RAPGEF1: variants seen among roughly 807,000 people sequenced by gnomAD.
The protein encoded by RAPGEF1 is Rap guanine nucleotide exchange factor 1, also known as CRK SH3-binding GNRP.
Under a neutral mutation model 143.3 loss-of-function variants are expected in RAPGEF1, and 33 were observed. The observed-to-expected ratio is 0.23, with a 90% CI of 0.17 to 0.31. The LOEUF (loss-of-function observed/expected upper bound fraction) is 0.31. Among genes scored for constraint, RAPGEF1 ranks in the 10% least tolerant of loss-of-function variants. The pLI is 1.00. For missense variants in RAPGEF1, 1,199 were observed against 1,645.4 expected, an observed-to-expected ratio of 0.73 and a Z score of 4.69; for synonymous variants, 629 against 676.5, an observed-to-expected ratio of 0.93 and a Z score of 1.09.
Position 131,708,953 on chromosome 9 carries a change from G to A in RAPGEF1, c.61+30817C>T, listed in dbSNP as rs537706504. Among the ~76,000 whole-genome samples the A allele has an allele frequency of 1.4e-4, 22 of 152,284 alleles. No individual in the cohort carries two copies. The South Asian group carries it at 4.6e-3, about 32-fold the overall frequency. On this transcript the variant is annotated intron_variant, in intron 1 of 26. Coordinates refer to ENST00000683357, the MANE Select transcript of RAPGEF1 (RefSeq NM_001377935.1). ...TCGCCAGGTTGGCCAGGCTGGACTC[G>A]AACTCTTGACCTCAAGTGATCCGCC...
At chr9:131,623,704 G>A (rs1466844447) in intron 10 of RAPGEF1, among the ~76,000 whole-genome samples, 1 of 152,234 alleles carries the variant, frequency 6.6e-6, no homozygotes, top group Non-Finnish European at 1.5e-5. Flanking sequence ...GGGGATTTCA[G>A]GTGCCGGACA....
In RAPGEF1 at chr9:131,584,208, G is replaced by C; in HGVS notation, c.3414+103C>G. On this transcript the variant is annotated intron_variant, in intron 24 of 26. Coordinates refer to ENST00000683357, the MANE Select transcript of RAPGEF1 (RefSeq NM_001377935.1). The surrounding 1 kb of genome is among the most constrained non-coding windows in gnomAD (Gnocchi z 6.8). The stretch of plus-strand genomic sequence containing the variant: ...GTGGCAGAGCAGGGGCCTAGGCCCA[G>C]CATTTGCTCCAGTGGGAGCACTTTC... 1 of 1,090,278 alleles carries C rather than the reference G, an allele frequency of 9.2e-7. No homozygotes were observed. Among genetic ancestry groups the C allele is most frequent in the Non-Finnish European group, 1.3e-6 (1 of 741,056 alleles). 67.5% of individuals were successfully genotyped at this position (1,090,278 alleles called of 1,614,324 possible). A position where few individuals can be genotyped will look rare whatever the true frequency, so the allele number is the denominator to read the frequency against.
chr9:131,713,557 T>G (rs1261736880), intron 1 of RAPGEF1, among the ~76,000 whole-genome samples: 1 of 152,222 alleles, frequency 6.6e-6, no homozygotes, highest in Middle Eastern at 3.2e-3. Context: ...GCTGAACAAC[T>G]TTGGGATAGA....
chr9:131,700,234 GC>G (rs900510554), intron 1 of RAPGEF1, among the ~76,000 whole-genome samples: 7 of 152,158 alleles, frequency 4.6e-5, no homozygotes, highest in Admixed American at 1.3e-4. Context: ...TCCAGCCTCC[GC>G]CCTAGTCACA....
At chr9:131,701,812 A>T (rs1834672476) in intron 1 of RAPGEF1, among the ~76,000 whole-genome samples, 1 of 152,244 alleles carries the variant, frequency 6.6e-6, no homozygotes, top group Non-Finnish European at 1.5e-5. Flanking sequence ...TAGAAGCCTC[A>T]ATTTCTTCAT....
chr9:131,714,841 G>A (rs1489630403), intron 1 of RAPGEF1, among the ~76,000 whole-genome samples: 1 of 151,870 alleles, frequency 6.6e-6, no homozygotes, highest in African/African-American at 2.4e-5. Flanking sequence ...CTGACTAGCT[G>A]GGACTATACG....
chr9:131,709,794 C>T (rs11243480), intron 1 of RAPGEF1: 441,886 of 1,513,924 alleles, frequency 0.29, 67,213 homozygotes, highest in Non-Finnish European at 0.32. Context: ...TCCCAAACCA[C>T]CCAGCGGCAG....
At chr9:131,709,741 C>T in intron 1 of RAPGEF1, 1 of 1,612,118 alleles carries the variant, frequency 6.2e-7, no homozygotes, top group Non-Finnish European at 8.5e-7. Context: ...GGAGCAGCAA[C>T]TGAGGACCGA....
intron 1 of RAPGEF1, among the ~76,000 whole-genome samples, chr9:131,721,968 T>A (rs1319599521): frequency 1.3e-5 from 2 of 152,346 alleles, no homozygotes; most frequent in African/African-American, 4.8e-5. Flanking sequence ...CTCCCTTGGA[T>A]ACTGTAGTTT....
chr9:131,599,529 C>T (rs929364298), intron 15 of RAPGEF1, among the ~76,000 whole-genome samples: 2 of 151,460 alleles, frequency 1.3e-5, no homozygotes, highest in Non-Finnish European at 2.9e-5. Context: ...GGTCTGGCCT[C>T]GTCTAAAGGT....
rs546960236 is a variant in RAPGEF1, at chr9:131,617,696, C to G, written c.2061+1355G>C. Among the ~76,000 whole-genome samples, 6 of 152,228 alleles carry G rather than the reference C, an allele frequency of 3.9e-5. No individual in the cohort carries two copies. The East Asian group carries it at 5.8e-4, about 15-fold the overall frequency. Reference sequence around the variant, plus strand: ...TAAGCTTTCTAAGCTTACTACATACCTAGACATTTCATATAATTTTACTTA... The same window carrying G: ...TAAGCTTTCTAAGCTTACTACATACGTAGACATTTCATATAATTTTACTTA... On this transcript the variant is annotated intron_variant, in intron 12 of 26. Transcript: ENST00000683357.
In RAPGEF1 at chr9:131,624,552, A is replaced by G. The variant is rs370009323; in HGVS notation, c.1702+1370T>C. 1.2e-4 allele frequency among the ~76,000 whole-genome samples: 18 copies of G among 152,340 alleles called. No homozygotes were observed. In the East Asian group the frequency reaches 3.1e-3, roughly 26 times the overall value. On this transcript the variant is annotated intron_variant, in intron 10 of 26. Transcript: ENST00000683357. ...AGCTGGAAGGGTAAGGCTCTCTGGC[A>G]TCTGCTGCAGCTTGCAAGGATGCCA... is the stretch of plus-strand genomic sequence containing the variant.
intron 1 of RAPGEF1, among the ~76,000 whole-genome samples, chr9:131,670,376 G>A (rs547752400): frequency 1.3e-5 from 2 of 152,116 alleles, no homozygotes; most frequent in East Asian, 1.9e-4. Flanking sequence ...CCCCACCCTC[G>A]CTTCTGACGC....
rs1275318770 is a variant in RAPGEF1 at position 131,579,603 on chromosome 9, T to C, written c.3686A>G (p.Asn1229Ser). Reference protein sequence around the residue: ...RRNDDIINFFNDFSDHLAEEA... With the variant: ...RRNDDIINFFSDFSDHLAEEA... ...CTCAGCCAGGTGGTCACTGAAGTCA[T>C]TGAAGAAGTTTATAATGTCGTCGTT... is the stretch of plus-strand genomic sequence containing the variant. The change falls in exon 27 of 27, where the codon AAT becomes AGT. Residue 1229 changes from asparagine (N) to serine (S), a missense_variant. This residue lies in a region of RAPGEF1 where 67 missense variants were observed against 105.4 expected (regional missense o/e 0.64). Transcript: ENST00000683357. 1.9e-6 allele frequency: 3 copies of C among 1,614,020 alleles called. No individual in the cohort carries two copies. The highest frequency in any genetic ancestry group is 1.1e-5 in the South Asian group (1 of 91,088).
intron 1 of RAPGEF1, among the ~76,000 whole-genome samples, chr9:131,700,188 A>G (rs921101464): frequency 6.6e-6 from 1 of 152,186 alleles, no homozygotes; most frequent in African/African-American, 2.4e-5. Flanking sequence ...AAGTCCTTAC[A>G]GTCATCTCAA....
At chr9:131,600,482 G>A (rs936977336) in intron 15 of RAPGEF1, among the ~76,000 whole-genome samples, 4 of 152,208 alleles carry the variant, frequency 2.6e-5, no homozygotes, top group Non-Finnish European at 5.9e-5. Flanking sequence ...AGACAAGTCA[G>A]AGAGCACAAG....
intron 12 of RAPGEF1, among the ~76,000 whole-genome samples, chr9:131,605,751 C>T (rs915494651): frequency 7.8e-6 from 1 of 128,642 alleles, no homozygotes; most frequent in Admixed American, 8.9e-5. Flanking sequence ...CCATTTTTTT[C>T]TTTCTTTCTT....
intron 1 of RAPGEF1, among the ~76,000 whole-genome samples, chr9:131,709,450 A>G (rs1158722506): frequency 6.6e-6 from 1 of 152,220 alleles, no homozygotes; most frequent in Admixed American, 6.5e-5. Flanking sequence ...GAGAGGAATC[A>G]TCTTATTCCT....
chr9:131,601,992 G>T, intron 15 of RAPGEF1, 69 bp downstream of exon 15: 1 of 1,089,058 alleles, frequency 9.2e-7, no homozygotes. Flanking sequence ...GGGAGAGGCT[G>T]CTCAGGCAGG....
Sources: gnomAD v4.1 joint callset for allele counts (sites outside exome capture counted in the v4.1 genomes callset) on GRCh38, gnomAD v4.1.1 for gene constraint, gnomAD v4.1.1 regional missense constraint, Gnocchi (gnomAD v3.1) non-coding constraint, MANE v1.5 for transcripts, NCBI Gene and HGNC (gene_info 2026-07-23, HGNC 2026-07-21) for gene names.